The following SPTBN1 variants were observed in gnomAD, a reference collection of about 807,000 sequenced individuals.
The protein encoded by SPTBN1 is spectrin beta chain, non-erythrocytic 1.
Under a neutral mutation model 266.4 loss-of-function variants are expected in SPTBN1, and 32 were observed. The observed-to-expected ratio is 0.12, with a 90% CI of 0.09 to 0.16. The LOEUF is 0.16. SPTBN1 is among the 10% of genes least tolerant of loss of function. The probability of loss-of-function intolerance (pLI) is 1.00; values close to 1 mark genes in which losing one functional copy is unlikely to be tolerated. For missense variants in SPTBN1, 2,296 were observed against 3,067.1 expected, an observed-to-expected ratio of 0.75 and a Z score of 5.94; for synonymous variants, 1,336 against 1,162.2, an observed-to-expected ratio of 1.15 and a Z score of -3.04.
At chr2:54,544,102 C>CAT (rs1672100375) in intron 2 of SPTBN1, among the ~76,000 whole-genome samples, 1 of 152,150 alleles carries the variant, frequency 6.6e-6, no homozygotes, top group South Asian at 2.1e-4. Context: ...TACTATAATA[C>CAT]TAATAGAAGT....
chr2:54,486,046 G>T (rs1668361989), intron 1 of SPTBN1, among the ~76,000 whole-genome samples: 1 of 151,384 alleles, frequency 6.6e-6, no homozygotes, highest in African/African-American at 2.4e-5. Flanking sequence ...GCCCCTACTG[G>T]GAAGTGAGGA....
intron 11 of SPTBN1, 69 bp downstream of exon 11, chr2:54,625,031 G>T (rs1429069776): frequency 6.7e-7 from 1 of 1,502,482 alleles, no homozygotes; most frequent in Non-Finnish European, 8.9e-7. Context: ...ATCCCCAGGG[G>T]CATAGGGCCA....
In SPTBN1 at chr2:54,484,191, C is replaced by G. The variant is rs531869460; in HGVS notation, c.-48+27673C>G. On this transcript the variant is annotated intron_variant, in intron 1 of 35. Coordinates refer to ENST00000356805, the MANE Select transcript of SPTBN1 (RefSeq NM_003128.3). ...ACAGAGTGAGACCCTGTCTCAACAACAAAACAAAACCAAATATGTCTGTTG... is the reference window on the plus strand; with the variant it reads ...ACAGAGTGAGACCCTGTCTCAACAAGAAAACAAAACCAAATATGTCTGTTG... 1.1e-4 allele frequency among the ~76,000 whole-genome samples: 17 copies of G among 152,252 alleles called. No homozygotes were observed. In the South Asian group the frequency reaches 3.5e-3, roughly 32 times the overall value.
At chr2:54,481,436 GTGT>G (rs1668099834) in intron 1 of SPTBN1, among the ~76,000 whole-genome samples, 2 of 76,644 alleles carry the variant, frequency 2.6e-5, no homozygotes, top group Non-Finnish European at 5.1e-5. Context: ...GTGTGTGTGT[GTGT>G]GTTTTGTTTT....
intron 1 of SPTBN1, among the ~76,000 whole-genome samples, chr2:54,475,370 T>C (rs1363447740): frequency 9.9e-5 from 15 of 152,246 alleles, no homozygotes; most frequent in Admixed American, 9.2e-4. Context: ...TGGGAAATGC[T>C]GGATTAAACC....
At chr2:54,501,239 C>T (rs1322724985) in intron 1 of SPTBN1, among the ~76,000 whole-genome samples, 1 of 152,192 alleles carries the variant, frequency 6.6e-6, no homozygotes, top group East Asian at 1.9e-4. Flanking sequence ...TTCCTTATCC[C>T]ACATGAGCTA....
Position 54,668,859 on chromosome 2 carries a change from G to C in SPTBN1, c.*290G>C, listed in dbSNP as rs568197399. On this transcript the variant is annotated 3_prime_UTR_variant, in exon 36 of 36. Transcript: ENST00000356805. ...CTGTTCCTCAATTTTGTGAGGCTGTGTTGGAAATAACCCGCCTCTAGTGCT... is the reference window on the plus strand; with the variant it reads ...CTGTTCCTCAATTTTGTGAGGCTGTCTTGGAAATAACCCGCCTCTAGTGCT... 1 of 339,556 alleles carries C rather than the reference G, an allele frequency of 2.9e-6. No homozygotes were observed. Among genetic ancestry groups the C allele is most frequent in the Non-Finnish European group, 5.5e-6 (1 of 180,950 alleles). The allele number at this position is 339,556 out of a possible 1,614,324, so 21.0% of individuals were successfully genotyped here. A position where few individuals can be genotyped will look rare whatever the true frequency, so the allele number is the denominator to read the frequency against.
intron 2 of SPTBN1, among the ~76,000 whole-genome samples, chr2:54,577,927 C>T (rs919702119): frequency 7.6e-6 from 1 of 131,976 alleles, no homozygotes; most frequent in African/African-American, 3.6e-5. Flanking sequence ...AAAGGATTTG[C>T]TGAGACTCTC....
At chr2:54,622,233 G>T in intron 8 of SPTBN1, 67 bp from the exon 9 acceptor site, 13 of 1,464,464 alleles carry the variant, frequency 8.9e-6, no homozygotes, top group East Asian at 2.4e-5. Context: ...CACTCGTATA[G>T]GGTTACAATC....
intron 1 of SPTBN1, among the ~76,000 whole-genome samples, chr2:54,461,434 G>A (rs1693364089): frequency 1.3e-5 from 2 of 152,182 alleles, no homozygotes; most frequent in African/African-American, 4.8e-5. Flanking sequence ...TGGTACATAT[G>A]TGGAGGCACA....
At chr2:54,547,284 T>C (rs546596175) in intron 2 of SPTBN1, among the ~76,000 whole-genome samples, 1 of 152,358 alleles carries the variant, frequency 6.6e-6, no homozygotes, top group East Asian at 1.9e-4. Context: ...ATCCATGTTA[T>C]AGCATATGAC....
At chr2:54,667,122 C>A (rs140524682) in intron 34 of SPTBN1, among the ~76,000 whole-genome samples, 1 of 152,212 alleles carries the variant, frequency 6.6e-6, no homozygotes, top group Non-Finnish European at 1.5e-5. Context: ...ACTAATAGGG[C>A]TTCTTAATTC....
intron 2 of SPTBN1, among the ~76,000 whole-genome samples, chr2:54,531,865 T>C (rs1210234036): frequency 6.6e-6 from 1 of 152,062 alleles, no homozygotes; most frequent in African/African-American, 2.4e-5. Flanking sequence ...CCTGGCAGGA[T>C]TGAAAGCAAC....
intron 2 of SPTBN1, among the ~76,000 whole-genome samples, chr2:54,570,051 T>C (rs1673949788): frequency 6.7e-6 from 1 of 149,204 alleles, no homozygotes; most frequent in Non-Finnish European, 1.5e-5. Context: ...GTCACAATGC[T>C]GGTTCCTCTC....
chr2:54,595,008 AT>A (rs1009871742), intron 2 of SPTBN1, among the ~76,000 whole-genome samples: 2 of 151,736 alleles, frequency 1.3e-5, no homozygotes, highest in Non-Finnish European at 2.9e-5. Flanking sequence ...CTAATTTTGT[AT>A]TTTTAGTAGA....
At chr2:54,568,238 G>A (rs772754435) in intron 2 of SPTBN1, among the ~76,000 whole-genome samples, 10 of 151,660 alleles carry the variant, frequency 6.6e-5, no homozygotes, top group East Asian at 1.9e-4. Flanking sequence ...AAAATCAGCC[G>A]GTTGTGGTGG....
intron 24 of SPTBN1, among the ~76,000 whole-genome samples, chr2:54,648,391 C>G (rs1455845173): frequency 6.6e-6 from 1 of 152,152 alleles, no homozygotes; most frequent in Non-Finnish European, 1.5e-5. Context: ...GATTCAGTCT[C>G]CTGACTGCGC....
At chr2:54,668,128 T>TAGGG (rs1681491989) in intron 35 of SPTBN1, among the ~76,000 whole-genome samples, 1 of 152,220 alleles carries the variant, frequency 6.6e-6, no homozygotes, top group Non-Finnish European at 1.5e-5. Context: ...TACAAGTTTG[T>TAGGG]AGGGCCACAT....
intron 2 of SPTBN1, among the ~76,000 whole-genome samples, chr2:54,561,045 A>T (rs1304219959): frequency 6.6e-6 from 1 of 152,160 alleles, no homozygotes; most frequent in Non-Finnish European, 1.5e-5. Flanking sequence ...AATTTTGTAC[A>T]TTCCTGCAAG....
Sources: gnomAD v4.1 joint callset for allele counts (sites outside exome capture counted in the v4.1 genomes callset) on GRCh38, gnomAD v4.1.1 for gene constraint, MANE v1.5 for transcripts, NCBI Gene and HGNC (gene_info 2026-07-23, HGNC 2026-07-21) for gene names.